Variants in RB1CC1 observed in about 807,000 individuals in gnomAD.
The protein encoded by RB1CC1 is RB1 inducible coiled-coil 1.
A neutral mutation model predicts 177.5 loss-of-function variants in RB1CC1; 46 were observed. The observed-to-expected ratio is 0.26, with a 90% confidence interval of 0.20 to 0.33. RB1CC1 has a LOEUF of 0.33. RB1CC1 is among the 10% of genes least tolerant of loss of function. The pLI, the probability that RB1CC1 is intolerant of heterozygous loss-of-function variation, is 1.00. For synonymous variants in RB1CC1, 666 were observed against 613.6 expected (o/e 1.09, Z -1.26); for missense variants, 1,703 against 1,816.3 (o/e 0.94, Z 1.13).
chr8:52,705,939 A>C (rs1156569632), intron 1 of RB1CC1, among the ~76,000 whole-genome samples: 4 of 152,236 alleles, frequency 2.6e-5, no homozygotes, highest in Non-Finnish European at 5.9e-5. Flanking sequence ...AGCAATTTAC[A>C]GTATATATTA....
chr8:52,707,214 T>C (rs975234550), intron 1 of RB1CC1, among the ~76,000 whole-genome samples: 1 of 150,318 alleles, frequency 6.7e-6, no homozygotes, highest in Non-Finnish European at 1.5e-5. Context: ...ATTACTGTTA[T>C]TAACTAATCC....
chr8:52,698,100 G>A (rs2150672624), intron 1 of RB1CC1, among the ~76,000 whole-genome samples: 1 of 152,094 alleles, frequency 6.6e-6, no homozygotes, highest in Admixed American at 6.6e-5. Flanking sequence ...TTTAAGACAA[G>A]ATCTCGTCCT....
intron 22 of RB1CC1, among the ~76,000 whole-genome samples, chr8:52,627,575 T>C (rs1164687553): frequency 6.6e-6 from 1 of 152,160 alleles, no homozygotes; most frequent in Non-Finnish European, 1.5e-5. Flanking sequence ...AAAGCTTATT[T>C]CCTTTTTAAA....
chr8:52,649,288 C>T (rs1850347242), intron 15 of RB1CC1, among the ~76,000 whole-genome samples: 1 of 152,136 alleles, frequency 6.6e-6, no homozygotes, highest in African/African-American at 2.4e-5. Context: ...CTCAAGGAAG[C>T]AGATACATTT....
intron 20 of RB1CC1, among the ~76,000 whole-genome samples, chr8:52,634,104 G>C (rs1590921938): frequency 6.6e-6 from 1 of 152,080 alleles, no homozygotes; most frequent in African/African-American, 2.4e-5. Context: ...GCAACAGAGA[G>C]AGACCTTGTC....
At chr8:52,702,856 AAAAG>A (rs1312621994) in intron 1 of RB1CC1, among the ~76,000 whole-genome samples, 1 of 151,922 alleles carries the variant, frequency 6.6e-6, no homozygotes, top group African/African-American at 2.4e-5. Flanking sequence ...GCAGAAAAAA[AAAAG>A]AAATCACAGT....
At position 52,656,466 on chromosome 8, in the gene RB1CC1, G is replaced by A; in HGVS notation, c.3363C>T (p.Gly1121=). 1 of 1,611,318 alleles carries A rather than the reference G, an allele frequency of 6.2e-7. No individual in the cohort carries two copies. The highest frequency in any genetic ancestry group is 8.5e-7 in the Non-Finnish European group (1 of 1,179,698). The change falls in exon 15 of 24, where the codon GGC becomes GGT. Residue 1121 remains glycine (G), a synonymous_variant. Coordinates refer to ENST00000025008, the MANE Select transcript of RB1CC1 (RefSeq NM_014781.5). ...TCATTAAAGTTCTTAGCTCTGCTAA[G>A]CCCACCTGATAATTTTCATTATTAT... ...IQDNNENYQV[G]LAELRTLMTI...
At chr8:52,706,718 C>T (rs113296333) in intron 1 of RB1CC1, among the ~76,000 whole-genome samples, 3,554 of 148,300 alleles carry the variant, frequency 0.024, 164 homozygotes, top group African/African-American at 0.084. Flanking sequence ...GGCTACAGAA[C>T]GAGACTCCCT....
intron 12 of RB1CC1, 34 bp from the exon 13 acceptor site, chr8:52,659,010 T>G (rs1590999704): frequency 7.8e-7 from 1 of 1,285,658 alleles, no homozygotes; most frequent in South Asian, 1.6e-5. Context: ...TAAAAAATTT[T>G]TTTTCAACCA....
At chr8:52,655,133 C>T (rs1008060406) in intron 15 of RB1CC1, among the ~76,000 whole-genome samples, 1 of 152,098 alleles carries the variant, frequency 6.6e-6, no homozygotes, top group African/African-American at 2.4e-5. Flanking sequence ...CTATTAAACC[C>T]TCTAATGCCC....
At chr8:52,696,297 CTCCCA>C (rs1046556999) in intron 1 of RB1CC1, among the ~76,000 whole-genome samples, 4 of 151,916 alleles carry the variant, frequency 2.6e-5, no homozygotes, top group Non-Finnish European at 4.4e-5. Flanking sequence ...CCGCCTCGGC[CTCCCA>C]AAGTGCTGGG....
chr8:52,667,721 G>C (rs1342047417), intron 8 of RB1CC1, among the ~76,000 whole-genome samples: 1 of 152,048 alleles, frequency 6.6e-6, no homozygotes, highest in Non-Finnish European at 1.5e-5. Flanking sequence ...GTCCTATGGG[G>C]GGTAGTAGGA....
intron 16 of RB1CC1, chr8:52,643,373 A>G (rs1169116162): frequency 6.6e-6 from 1 of 152,240 alleles, no homozygotes; most frequent in Non-Finnish European, 1.5e-5. Context: ...TTAACTGCAC[A>G]GTTTCTTTAA....
At chr8:52,679,236 C>T (rs1014458848) in intron 5 of RB1CC1, among the ~76,000 whole-genome samples, 3 of 152,166 alleles carry the variant, frequency 2.0e-5, no homozygotes, top group Non-Finnish European at 4.4e-5. Context: ...AGCTACATAC[C>T]TCCCTCACAA....
Position 52,630,544 on chromosome 8 carries a change from AAG to A in RB1CC1, c.4441-18_4441-17del. On this transcript the variant is annotated splice_polypyrimidine_tract_variant and intron_variant, in intron 20 of 23. Transcript: ENST00000025008. Reference sequence around the variant, plus strand: ...TCTGAGACATCTAAAAAAAAAAAAAAAGTTTATGAACTTACACAATTTGAGTA... The same window carrying A: ...TCTGAGACATCTAAAAAAAAAAAAAATTTATGAACTTACACAATTTGAGTA... The A allele has an allele frequency of 6.4e-7, 1 of 1,555,296 alleles. No homozygotes were observed. Among genetic ancestry groups the A allele is most frequent in the East Asian group, 2.3e-5 (1 of 43,486 alleles).
intron 15 of RB1CC1, among the ~76,000 whole-genome samples, chr8:52,650,042 C>T (rs1850428340): frequency 1.3e-5 from 2 of 152,256 alleles, no homozygotes; most frequent in African/African-American, 4.8e-5. Context: ...TTCTTATTGA[C>T]TTACTGTGGG....
chr8:52,665,299 A>G (rs552267643), intron 8 of RB1CC1, among the ~76,000 whole-genome samples: 18 of 152,360 alleles, frequency 1.2e-4, no homozygotes, highest in Non-Finnish European at 2.4e-4. Context: ...GACAATTCAG[A>G]GTAAATACAT....
chr8:52,689,049 C>G (rs551210711), intron 1 of RB1CC1, among the ~76,000 whole-genome samples: 1 of 152,310 alleles, frequency 6.6e-6, no homozygotes, highest in Non-Finnish European at 1.5e-5. Context: ...ATAGCTGCTG[C>G]TACCACCACT....
intron 8 of RB1CC1, among the ~76,000 whole-genome samples, chr8:52,664,569 A>ATGT (rs940694518): frequency 4.6e-5 from 7 of 152,188 alleles, no homozygotes; most frequent in Admixed American, 2.0e-4. Flanking sequence ...GGGAATGAAG[A>ATGT]TGTTGAAAGA....
Sources: allele counts gnomAD v4.1 joint callset (sites outside exome capture counted in the v4.1 genomes callset), GRCh38; gene constraint gnomAD v4.1.1; transcripts MANE v1.5; gene names NCBI Gene and HGNC (gene_info 2026-07-23, HGNC 2026-07-21).